Variants in PALLD observed in about 807,000 individuals in gnomAD.
PALLD encodes palladin.
Under a neutral mutation model 123.5 loss-of-function variants are expected in PALLD, and 61 were observed. The ratio of observed to expected loss-of-function variants is 0.49; its 90% CI spans 0.40 to 0.61. The LOEUF (loss-of-function observed/expected upper bound fraction) is 0.61, where lower values mean the gene tolerates loss of function less well. PALLD is among the 20% of genes least tolerant of loss of function. PALLD has a pLI of 0.00. For missense variants in PALLD, 1,273 were observed against 1,377.0 expected, an observed-to-expected ratio of 0.92 and a Z score of 1.20; for synonymous variants, 465 against 496.4, an observed-to-expected ratio of 0.94 and a Z score of 0.84.
chr4:168,604,271 T>C (rs564122012), intron 2 of PALLD, among the ~76,000 whole-genome samples: 2 of 152,218 alleles, frequency 1.3e-5, no homozygotes, highest in Non-Finnish European at 2.9e-5. Flanking sequence ...CAAGGACAGC[T>C]ATAGGGGCCA....
intron 2 of PALLD, among the ~76,000 whole-genome samples, chr4:168,550,652 C>T (rs890939885): frequency 2.0e-5 from 3 of 152,084 alleles, no homozygotes; most frequent in South Asian, 2.1e-4. Flanking sequence ...ACTATGGGGG[C>T]GCCCTCTTTG....
At chr4:168,914,394 T>A (rs899445129) in intron 16 of PALLD, among the ~76,000 whole-genome samples, 4 of 152,198 alleles carry the variant, frequency 2.6e-5, no homozygotes, top group Admixed American at 2.0e-4. Flanking sequence ...GACGCACACA[T>A]TAAAAGCTAT....
At chr4:168,794,496 A>ACG (rs1554083960) in intron 10 of PALLD, among the ~76,000 whole-genome samples, 5 of 132,834 alleles carry the variant, frequency 3.8e-5, no homozygotes, top group South Asian at 2.5e-4. Flanking sequence ...ACATGCACGC[A>ACG]CACACACACG....
At chr4:168,540,870 A>C (rs1765544644) in intron 2 of PALLD, among the ~76,000 whole-genome samples, 2 of 151,948 alleles carry the variant, frequency 1.3e-5, no homozygotes, top group Non-Finnish European at 2.9e-5. Context: ...CAAAATTATT[A>C]AATTAGCTGT....
At chr4:168,886,716 C>T (rs1245475718) in intron 10 of PALLD, among the ~76,000 whole-genome samples, 2 of 152,062 alleles carry the variant, frequency 1.3e-5, no homozygotes, top group Non-Finnish European at 2.9e-5. Context: ...ATATGAGTAC[C>T]TTAAATTCTG....
chr4:168,685,506 C>T lies in PALLD; in HGVS notation c.1282C>T (p.Leu428Phe). ...GCAGGTTCACAGTCCAACTTCATAT[C>T]TCTGCCGACCTGATGGAACCACTAC... The part of the protein sequence containing the change: ...VQQVHSPTSY[L>F]CRPDGTTTAY... The change falls in exon 6 of 22, where the codon CTC becomes TTC. Residue 428 changes from leucine (L) to phenylalanine (F), a missense_variant. By Grantham distance (22) the Leu-to-Phe change is conservative (BLOSUM62 0). Transcript: ENST00000505667. 1 of 1,612,050 alleles carries T rather than the reference C, an allele frequency of 6.2e-7. No individual in the cohort carries two copies. The highest frequency in any genetic ancestry group is 8.5e-7 in the Non-Finnish European group (1 of 1,178,092).
intron 6 of PALLD, among the ~76,000 whole-genome samples, chr4:168,689,383 A>G (rs1006416127): frequency 1.5e-5 from 2 of 132,704 alleles, no homozygotes; most frequent in Non-Finnish European, 3.2e-5. Context: ...TGGATAAATT[A>G]TGTTTGAGTT....
chr4:168,921,420 A>C (rs1761483366), intron 17 of PALLD, 114 bp from the exon 18 acceptor site: 2 of 666,958 alleles, frequency 3.0e-6, no homozygotes, highest in African/African-American at 3.7e-5. Context: ...AAAAAAAAAA[A>C]AAAAAAGCCA....
chr4:168,546,635 G>A lies in PALLD; in HGVS notation c.908+34223G>A, dbSNP rs148768439. On this transcript the variant is annotated intron_variant, in intron 2 of 21. Coordinates refer to ENST00000505667, the MANE Select transcript of PALLD (RefSeq NM_001166108.2). ...GGTCTTTAAACTTTCCATAGGTGCC[G>A]AAATGAAAAAAGTTGGTCCAGTATA... Among the ~76,000 whole-genome samples the A allele has an allele frequency of 2.0e-3, 303 of 152,170 alleles. No homozygotes were observed. In the East Asian group the frequency reaches 0.02, roughly 10 times the overall value.
At chr4:168,619,798 A>C (rs528065645) in intron 2 of PALLD, among the ~76,000 whole-genome samples, 28 of 152,246 alleles carry the variant, frequency 1.8e-4, no homozygotes, top group African/African-American at 6.3e-4. Context: ...AAAAGGACTA[A>C]ATTCATGAGT....
chr4:168,547,902 T>G (rs761559712), intron 2 of PALLD, among the ~76,000 whole-genome samples: 28 of 135,290 alleles, frequency 2.1e-4, no homozygotes, highest in African/African-American at 7.6e-4. Flanking sequence ...GCCGTGATCG[T>G]GCCACTGCAC....
At chr4:168,613,935 A>G (rs974829317) in intron 2 of PALLD, among the ~76,000 whole-genome samples, 2 of 152,238 alleles carry the variant, frequency 1.3e-5, no homozygotes, top group Non-Finnish European at 2.9e-5. Flanking sequence ...AGAGCTCCAC[A>G]TCCTGCTGCC....
chr4:168,805,083 G>A (rs761942651), intron 10 of PALLD, among the ~76,000 whole-genome samples: 1 of 151,818 alleles, frequency 6.6e-6, no homozygotes, highest in Non-Finnish European at 1.5e-5. Context: ...GTTTAAACCC[G>A]GGAGACGGAG....
At chr4:168,903,295 A>C (rs895288153) in intron 14 of PALLD, among the ~76,000 whole-genome samples, 3 of 152,158 alleles carry the variant, frequency 2.0e-5, no homozygotes, top group African/African-American at 7.2e-5. Flanking sequence ...TGAAATGATT[A>C]GAGTTTGGGG....
intron 10 of PALLD, among the ~76,000 whole-genome samples, chr4:168,763,593 C>A (rs1230312654): frequency 6.6e-6 from 1 of 152,146 alleles, no homozygotes; most frequent in East Asian, 1.9e-4. Flanking sequence ...AGGAGATGAG[C>A]AGAAGGTGTT....
At position 168,690,634 on chromosome 4, in the gene PALLD, AGGT is replaced by A; in HGVS notation, c.1374_1376del (p.Val459del). 1 of 1,614,206 alleles carries A rather than the reference AGGT, an allele frequency of 6.2e-7. No individual in the cohort carries two copies. The highest frequency in any genetic ancestry group is 2.2e-5 in the East Asian group (1 of 44,886). On this transcript the variant is annotated inframe_deletion, in exon 7 of 22. Coordinates refer to ENST00000505667, the MANE Select transcript of PALLD (RefSeq NM_001166108.2). ...CAAAACACAGCCGTGGCGGAAGGCC[AGGT>A]GGTGGTTCTGGAGTGCCGGGTCCGT...
At chr4:168,804,777 C>T (rs1739899439) in intron 10 of PALLD, among the ~76,000 whole-genome samples, 1 of 152,154 alleles carries the variant, frequency 6.6e-6, no homozygotes, top group South Asian at 2.1e-4. Context: ...CTTTTCACCA[C>T]AAGAGTTATG....
intron 8 of PALLD, among the ~76,000 whole-genome samples, chr4:168,707,500 C>G (rs888526683): frequency 1.3e-5 from 2 of 152,168 alleles, no homozygotes; most frequent in African/African-American, 4.8e-5. Context: ...GTTAGCACAG[C>G]CTTGTTCACC....
chr4:168,716,077 T>C (rs1482884040), intron 10 of PALLD, among the ~76,000 whole-genome samples: 1 of 152,226 alleles, frequency 6.6e-6, no homozygotes, highest in Admixed American at 6.5e-5. Context: ...TGGTCATGTT[T>C]TTCCACTGAG....
Sources: allele counts gnomAD v4.1 joint callset (sites outside exome capture counted in the v4.1 genomes callset), GRCh38; gene constraint gnomAD v4.1.1; transcripts MANE v1.5; gene names NCBI Gene and HGNC (gene_info 2026-07-23, HGNC 2026-07-21).